The following ADD2 variants were observed in gnomAD, a reference collection of about 807,000 sequenced individuals.
ADD2 encodes beta-adducin.
In ADD2, 23 loss-of-function variants were observed where a neutral mutation model predicts 83.0. The observed-to-expected ratio is 0.28, with a 90% CI of 0.20 to 0.39. The LOEUF (loss-of-function observed/expected upper bound fraction) is 0.39. Among genes scored for constraint, ADD2 ranks in the 10% least tolerant of loss-of-function variants. ADD2 has a pLI of 1.00. For synonymous variants in ADD2, 375 were observed against 375.4 expected, an observed-to-expected ratio of 1.00 and a Z score of 0.01; for missense variants, 758 against 944.9, an observed-to-expected ratio of 0.80 and a Z score of 2.59.
At chr2:70,749,627 C>G (rs555349371) in intron 1 of ADD2, among the ~76,000 whole-genome samples, 1 of 152,278 alleles carries the variant, frequency 6.6e-6, no homozygotes, top group African/African-American at 2.4e-5. Flanking sequence ...AACGTGTTAG[C>G]ACAAATCTTC....
chr2:70,674,991 C>G lies in ADD2; in HGVS notation c.1594-166G>C, dbSNP rs1264750069. On this transcript the variant is annotated intron_variant, in intron 13 of 15. Coordinates refer to ENST00000264436, the MANE Select transcript of ADD2 (RefSeq NM_001617.4). ...GGCCTTGGGGTAGGGATTGTTCTTT[C>G]CTCCCCATTGCTACCTTACCCCTAG... 9.7e-6 allele frequency: 13 copies of G among 1,336,416 alleles called. 1 individual carries two copies. The East Asian group carries it at 3.4e-4, about 35-fold the overall frequency. 82.8% of individuals were successfully genotyped at this position (1,336,416 alleles called of 1,614,324 possible).
chr2:70,701,318 AAATG>A (rs1553373485), intron 4 of ADD2, among the ~76,000 whole-genome samples: 1 of 152,152 alleles, frequency 6.6e-6, no homozygotes, highest in East Asian at 1.9e-4. Context: ...TAAATGGCCA[AAATG>A]TATTTTATGA....
At chr2:70,753,739 A>T (rs1674631929) in intron 1 of ADD2, among the ~76,000 whole-genome samples, 1 of 152,116 alleles carries the variant, frequency 6.6e-6, no homozygotes, top group Non-Finnish European at 1.5e-5. Context: ...GAAAGTGATA[A>T]AGTAAATGCC....
intron 15 of ADD2, 27 bp downstream of exon 15, chr2:70,672,851 C>T (rs1321802616): frequency 1.3e-6 from 2 of 1,591,238 alleles, no homozygotes; most frequent in African/African-American, 2.7e-5. Context: ...CCTCTCCCTC[C>T]CTCCCAGCCT....
At chr2:70,727,673 T>C (rs1673076757) in intron 1 of ADD2, among the ~76,000 whole-genome samples, 1 of 152,106 alleles carries the variant, frequency 6.6e-6, no homozygotes, top group Non-Finnish European at 1.5e-5. Context: ...GGTGGGCAGA[T>C]CACTTGCAGT....
At chr2:70,708,123 T>C (rs559731651) in intron 2 of ADD2, among the ~76,000 whole-genome samples, 51 of 152,200 alleles carry the variant, frequency 3.4e-4, no homozygotes, top group Non-Finnish European at 4.4e-5. Flanking sequence ...CTGGGTGGGG[T>C]GAGGGGAGAA....
chr2:70,702,146 A>C (rs1671615927), intron 4 of ADD2, among the ~76,000 whole-genome samples: 1 of 152,204 alleles, frequency 6.6e-6, no homozygotes, highest in Admixed American at 6.5e-5. Flanking sequence ...GGGACTTGAT[A>C]AAATAATTCT....
intron 1 of ADD2, among the ~76,000 whole-genome samples, chr2:70,724,854 G>A (rs1253459380): frequency 1.3e-5 from 2 of 152,190 alleles, no homozygotes; most frequent in Non-Finnish European, 2.9e-5. Flanking sequence ...CAGGACAGAT[G>A]CCCACACTGT....
intron 14 of ADD2, among the ~76,000 whole-genome samples, chr2:70,673,557 G>A (rs1669997483): frequency 6.6e-6 from 1 of 152,120 alleles, no homozygotes; most frequent in African/African-American, 2.4e-5. Flanking sequence ...TTTTCAATTG[G>A]CACATTAGAG....
In ADD2 at chr2:70,683,769, T is replaced by C; in HGVS notation, c.949-2A>G. On this transcript the variant is annotated splice_acceptor_variant, in intron 9 of 15. Coordinates refer to ENST00000264436, the MANE Select transcript of ADD2 (RefSeq NM_001617.4). LOFTEE classifies it high-confidence loss of function. Reference sequence around the variant, plus strand: ...CCCGGCACTGGACAGAGCCGACACCTGTAGCAAAGAGCAGAGAGCCCTCAG... The same window carrying C: ...CCCGGCACTGGACAGAGCCGACACCCGTAGCAAAGAGCAGAGAGCCCTCAG... 1 of 1,607,626 alleles carries C rather than the reference T, an allele frequency of 6.2e-7. No homozygotes were observed. Among genetic ancestry groups the C allele is most frequent in the Non-Finnish European group, 8.5e-7 (1 of 1,174,904 alleles).
chr2:70,683,481 C>T, intron 10 of ADD2, 110 bp downstream of exon 10: 4 of 1,188,298 alleles, frequency 3.4e-6, no homozygotes, highest in Non-Finnish European at 4.7e-6. Flanking sequence ...CTTCAACAAC[C>T]TAGTTGTGAT....
rs782202165 is a variant in ADD2, at chr2:70,663,455, C to T, written c.2151G>A (p.Lys717=). ...ACTCCACTTTCTCCTTCTTTTTGCT[C>T]TTTTTCAGGAAGGAGGGGGTTCGGA... is the stretch of plus-strand genomic sequence containing the variant. ...KKFRTPSFLK[K]SKKKEKVES is the part of the protein sequence containing the mutation. The change falls in exon 16 of 16, where the codon AAG becomes AAA. Residue 717 remains lysine, a synonymous_variant. Transcript: ENST00000264436. 45 of 1,613,098 alleles carry T rather than the reference C, an allele frequency of 2.8e-5. No individual in the cohort carries two copies. The East Asian group carries it at 9.8e-4, about 35-fold the overall frequency.
intron 1 of ADD2, among the ~76,000 whole-genome samples, chr2:70,730,704 T>C (rs1673237244): frequency 6.6e-6 from 1 of 152,226 alleles, no homozygotes; most frequent in Admixed American, 6.5e-5. Flanking sequence ...TGCTGCATGA[T>C]TTGGTCAATG....
At chr2:70,695,342 A>G (rs962455287) in intron 6 of ADD2, among the ~76,000 whole-genome samples, 3 of 152,088 alleles carry the variant, frequency 2.0e-5, no homozygotes, top group Non-Finnish European at 2.9e-5. Flanking sequence ...AAGCATCTCT[A>G]ATGGTGCCAG....
At chr2:70,666,804 AG>A (rs1249829982) in intron 15 of ADD2, among the ~76,000 whole-genome samples, 1 of 152,186 alleles carries the variant, frequency 6.6e-6, no homozygotes, top group African/African-American at 2.4e-5. Context: ...CCATGTAGAA[AG>A]TGGGGGCCAC....
intron 11 of ADD2, 116 bp from the exon 12 acceptor site, chr2:70,677,993 C>T (rs779365593): frequency 1.5e-6 from 2 of 1,336,676 alleles, no homozygotes; most frequent in Non-Finnish European, 2.1e-6. Flanking sequence ...AGCAAGCCTA[C>T]TCATAGACAC....
At position 70,661,102 on chromosome 2, in the gene ADD2, T is replaced by C. The variant is rs1558512122; in HGVS notation, c.*2323A>G. The C allele has an allele frequency of 1.3e-5, 2 of 152,176 alleles. No homozygotes were observed. The highest frequency in any genetic ancestry group is 4.8e-5 in the African/African-American group (2 of 41,434). 9.4% of individuals were successfully genotyped at this position (152,176 alleles called of 1,614,324 possible). A position where few individuals can be genotyped will look rare whatever the true frequency, so the allele number is the denominator to read the frequency against. The stretch of plus-strand genomic sequence containing the variant: ...AATGCTGCAGCAAGACTCCACCCAA[T>C]GAGGCCTAAGTGAGGCCTCATTGTC... On this transcript the variant is annotated 3_prime_UTR_variant, in exon 16 of 16. Coordinates refer to ENST00000264436, the MANE Select transcript of ADD2 (RefSeq NM_001617.4).
chr2:70,720,852 C>G (rs1333445751), intron 1 of ADD2, among the ~76,000 whole-genome samples: 2 of 152,226 alleles, frequency 1.3e-5, no homozygotes, highest in African/African-American at 4.8e-5. Context: ...GCATCCCCTG[C>G]AGCCAAGGCA....
intron 2 of ADD2, among the ~76,000 whole-genome samples, chr2:70,710,553 G>A (rs1672128972): frequency 6.6e-6 from 1 of 152,182 alleles, no homozygotes; most frequent in South Asian, 2.1e-4. Flanking sequence ...TCACAGCAGG[G>A]GCCTGAGCCA....
Sources: gnomAD v4.1 joint callset for allele counts (sites outside exome capture counted in the v4.1 genomes callset) on GRCh38, gnomAD v4.1.1 for gene constraint, MANE v1.5 for transcripts, NCBI Gene and HGNC (gene_info 2026-07-23, HGNC 2026-07-21) for gene names.